The following ROBO1 variants were observed in gnomAD, a reference collection of about 807,000 sequenced individuals.
ROBO1 encodes the protein roundabout homolog 1.
Under a neutral mutation model 195.9 loss-of-function variants are expected in ROBO1, and 149 were observed. The ratio of observed to expected loss-of-function variants is 0.76; its 90% CI spans 0.67 to 0.87. The LOEUF is 0.87. Among genes scored for constraint, ROBO1 ranks in the 40% least tolerant of loss-of-function variants. The pLI is 0.00. For synonymous variants in ROBO1, 816 were observed against 733.2 expected, an observed-to-expected ratio of 1.11 and a Z score of -1.82; for missense variants, 1,933 against 2,068.3, an observed-to-expected ratio of 0.93 and a Z score of 1.27.
At chr3:79,390,023 T>C (rs2036889177) in intron 2 of ROBO1, among the ~76,000 whole-genome samples, 1 of 152,134 alleles carries the variant, frequency 6.6e-6, no homozygotes, top group African/African-American at 2.4e-5. Flanking sequence ...GGTGAACTAA[T>C]CTGGAATTAT....
At chr3:79,030,832 C>G (rs2078282244) in intron 3 of ROBO1, among the ~76,000 whole-genome samples, 1 of 152,146 alleles carries the variant, frequency 6.6e-6, no homozygotes, top group African/African-American at 2.4e-5. Flanking sequence ...AGCAATTCTC[C>G]TGCCTCAGCC....
chr3:79,133,881 G>T (rs1326904492), intron 2 of ROBO1, among the ~76,000 whole-genome samples: 1 of 150,712 alleles, frequency 6.6e-6, no homozygotes, highest in Non-Finnish European at 1.5e-5. Context: ...GTCCTTTCTG[G>T]TTGTTAGTTT....
intron 4 of ROBO1, among the ~76,000 whole-genome samples, chr3:78,929,426 A>G (rs1312457461): frequency 1.3e-5 from 2 of 152,164 alleles, no homozygotes; most frequent in Non-Finnish European, 2.9e-5. Context: ...TGTCTCAAGC[A>G]ACCTCAGGAA....
At chr3:79,000,086 G>A (rs924503119) in intron 3 of ROBO1, among the ~76,000 whole-genome samples, 2 of 152,102 alleles carry the variant, frequency 1.3e-5, no homozygotes, top group South Asian at 2.1e-4. Flanking sequence ...CCTGAGACTG[G>A]GTAACTTATA....
intron 28 of ROBO1, among the ~76,000 whole-genome samples, chr3:78,612,276 GA>G (rs886487099): frequency 1.3e-5 from 2 of 151,602 alleles, no homozygotes; most frequent in East Asian, 3.9e-4. Flanking sequence ...CCACTAAAAA[GA>G]AAAAAAACCC....
intron 3 of ROBO1, among the ~76,000 whole-genome samples, chr3:79,121,652 C>T (rs1185569399): frequency 6.6e-6 from 1 of 151,906 alleles, no homozygotes; most frequent in Non-Finnish European, 1.5e-5. Context: ...TTGCATATCA[C>T]ATTTCTTCCA....
At chr3:79,502,383 G>T (rs567287398) in intron 2 of ROBO1, among the ~76,000 whole-genome samples, 4 of 152,308 alleles carry the variant, frequency 2.6e-5, no homozygotes, top group Non-Finnish European at 5.9e-5. Flanking sequence ...GGCAGTGAGG[G>T]GCTTAGCACC....
At chr3:79,651,632 C>T (rs1311105913) in intron 1 of ROBO1, among the ~76,000 whole-genome samples, 1 of 152,100 alleles carries the variant, frequency 6.6e-6, no homozygotes, top group African/African-American at 2.4e-5. Flanking sequence ...ACGCTAGCAC[C>T]CCGGGAGACC....
At chr3:78,792,478 G>A (rs1324808229) in intron 4 of ROBO1, among the ~76,000 whole-genome samples, 1 of 152,170 alleles carries the variant, frequency 6.6e-6, no homozygotes, top group Non-Finnish European at 1.5e-5. Flanking sequence ...GCAGTCAGGG[G>A]TTGAGTGCTG....
At chr3:79,019,982 G>GT (rs779855186) in intron 3 of ROBO1, among the ~76,000 whole-genome samples, 12 of 152,214 alleles carry the variant, frequency 7.9e-5, no homozygotes, top group African/African-American at 2.9e-4. Flanking sequence ...AGTTGCAGTT[G>GT]TTGAAGGTCT....
In ROBO1 at chr3:79,576,986, C is replaced by G. The variant is rs114845159; in HGVS notation, c.88+12838G>C. On this transcript the variant is annotated intron_variant, in intron 2 of 30. Coordinates refer to ENST00000464233, the MANE Select transcript of ROBO1 (RefSeq NM_002941.4). ...TTGGCCCACCTATCCTCATCAAACT[C>G]CTTGTTTCTTAAACATCTTTTCTTT... is the stretch of plus-strand genomic sequence containing the variant. Among the ~76,000 whole-genome samples the G allele has an allele frequency of 5.1e-3, 774 of 152,208 alleles. 11 individuals carry two copies. Among genetic ancestry groups the G allele is most frequent in the Middle Eastern group, 0.01 (3 of 294 alleles).
intron 4 of ROBO1, among the ~76,000 whole-genome samples, chr3:78,802,908 A>G (rs1337370735): frequency 2.0e-5 from 3 of 152,166 alleles, no homozygotes; most frequent in Admixed American, 2.0e-4. Flanking sequence ...AGGTATACAC[A>G]TTTGTCATGA....
chr3:79,156,380 T>C (rs537937633), intron 2 of ROBO1, among the ~76,000 whole-genome samples: 4 of 151,886 alleles, frequency 2.6e-5, no homozygotes, highest in African/African-American at 9.6e-5. Context: ...GATTAAACTC[T>C]TCAAGTGCAG....
intron 19 of ROBO1, among the ~76,000 whole-genome samples, chr3:78,649,906 A>G (rs1706540413): frequency 6.6e-6 from 1 of 152,192 alleles, no homozygotes. Context: ...GTTGCATGTC[A>G]CATTTTTAGA....
chr3:79,040,070 A>C (rs2078456804), intron 3 of ROBO1, among the ~76,000 whole-genome samples: 1 of 152,282 alleles, frequency 6.6e-6, no homozygotes, highest in South Asian at 2.1e-4. Context: ...ACAAGTTACA[A>C]CCAATCAGAG....
At chr3:78,966,572 C>T (rs769091730) in intron 3 of ROBO1, among the ~76,000 whole-genome samples, 1 of 152,116 alleles carries the variant, frequency 6.6e-6, no homozygotes, top group African/African-American at 2.4e-5. Flanking sequence ...TGATTTCTTT[C>T]GCTTACAATC....
At chr3:79,059,481 C>A (rs1036582664) in intron 3 of ROBO1, among the ~76,000 whole-genome samples, 2 of 152,046 alleles carry the variant, frequency 1.3e-5, no homozygotes, top group Admixed American at 6.6e-5. Flanking sequence ...GCCTTCATTG[C>A]CATAGCACAT....
intron 2 of ROBO1, among the ~76,000 whole-genome samples, chr3:79,227,236 CT>C (rs1244327211): frequency 6.6e-6 from 1 of 152,120 alleles, no homozygotes; most frequent in African/African-American, 2.4e-5. Flanking sequence ...CCCCAGGCCT[CT>C]TTGTAATCTG....
chr3:78,817,831 C>A (rs2108659835), intron 4 of ROBO1, among the ~76,000 whole-genome samples: 2 of 152,264 alleles, frequency 1.3e-5, no homozygotes, highest in Non-Finnish European at 2.9e-5. Flanking sequence ...TGGTTCCTAA[C>A]TGGAATCTGG....
Sources: gnomAD v4.1 joint callset for allele counts (sites outside exome capture counted in the v4.1 genomes callset) on GRCh38, gnomAD v4.1.1 for gene constraint, MANE v1.5 for transcripts, NCBI Gene and HGNC (gene_info 2026-07-23, HGNC 2026-07-21) for gene names.